SCUBE1: variants seen among roughly 807,000 people sequenced by gnomAD.
SCUBE1 encodes signal peptide, CUB and EGF-like domain-containing protein 1.
In SCUBE1, 59 loss-of-function variants were observed where a neutral mutation model predicts 124.4. That is an observed-to-expected ratio of 0.47 (90% CI 0.38 to 0.59). SCUBE1 has a LOEUF of 0.59. Ranked by LOEUF, SCUBE1 falls within the 20% of genes least tolerant of loss-of-function variation. The pLI is 0.00. For missense variants in SCUBE1, 1,150 were observed against 1,371.2 expected, an observed-to-expected ratio of 0.84 and a Z score of 2.55; for synonymous variants, 545 against 550.9, an observed-to-expected ratio of 0.99 and a Z score of 0.15.
chr22:43,313,456 G>A (rs1468324880), intron 3 of SCUBE1, among the ~76,000 whole-genome samples: 4 of 152,188 alleles, frequency 2.6e-5, no homozygotes, highest in African/African-American at 7.2e-5. Context: ...TTGTGGAGAC[G>A]GGAAGAAATT....
intron 3 of SCUBE1, among the ~76,000 whole-genome samples, chr22:43,315,654 C>G (rs1272249474): frequency 6.9e-6 from 1 of 144,250 alleles, no homozygotes; most frequent in Non-Finnish European, 1.5e-5. Flanking sequence ...CTGCCCTCAG[C>G]TAAAGGCAGA....
At chr22:43,244,379 C>T (rs932097329) in intron 6 of SCUBE1, among the ~76,000 whole-genome samples, 7 of 152,226 alleles carry the variant, frequency 4.6e-5, no homozygotes, top group Non-Finnish European at 2.9e-5. Flanking sequence ...GGCAGGGCAG[C>T]GTCAAGGTGA....
intron 17 of SCUBE1, 54 bp downstream of exon 17, chr22:43,212,371 C>A: frequency 2.0e-6 from 3 of 1,519,918 alleles, no homozygotes; most frequent in Non-Finnish European, 2.7e-6. Flanking sequence ...CCTCTCGGAG[C>A]AGTGCAGCCC....
chr22:43,261,128 G>C (rs1468208274), intron 5 of SCUBE1, among the ~76,000 whole-genome samples: 1 of 152,208 alleles, frequency 6.6e-6, no homozygotes, highest in Non-Finnish European at 1.5e-5. Flanking sequence ...GGCCTTTCTC[G>C]TGAGGAAACT....
At chr22:43,311,019 T>A (rs1362677142) in intron 3 of SCUBE1, among the ~76,000 whole-genome samples, 2 of 152,322 alleles carry the variant, frequency 1.3e-5, no homozygotes, top group East Asian at 3.9e-4. Flanking sequence ...GCTCAAGTGA[T>A]CCTCCTACCT....
At chr22:43,256,294 C>T (rs1923659079) in intron 6 of SCUBE1, among the ~76,000 whole-genome samples, 2 of 152,200 alleles carry the variant, frequency 1.3e-5, no homozygotes, top group Admixed American at 1.3e-4. Context: ...TAGGAGCATG[C>T]AGAGGAGAAG....
At chr22:43,237,005 C>T (rs1922793058) in intron 7 of SCUBE1, among the ~76,000 whole-genome samples, 1 of 151,884 alleles carries the variant, frequency 6.6e-6, no homozygotes, top group South Asian at 2.1e-4. Flanking sequence ...AGCCACAGGC[C>T]CAGGGCTGGG....
intron 7 of SCUBE1, among the ~76,000 whole-genome samples, chr22:43,235,081 G>A (rs1014461790): frequency 1.1e-4 from 17 of 152,202 alleles, no homozygotes; most frequent in Admixed American, 9.8e-4. Flanking sequence ...ACAGACTTGG[G>A]GGTGGCTGTT....
At chr22:43,242,704 A>AG (rs1294860102) in intron 6 of SCUBE1, among the ~76,000 whole-genome samples, 4 of 152,218 alleles carry the variant, frequency 2.6e-5, no homozygotes, top group Non-Finnish European at 5.9e-5. Context: ...GGAGCTAAAG[A>AG]CAGAATTTCC....
chr22:43,331,910 G>A (rs1431242587), intron 2 of SCUBE1, among the ~76,000 whole-genome samples: 1 of 152,190 alleles, frequency 6.6e-6, no homozygotes, highest in Non-Finnish European at 1.5e-5. Flanking sequence ...AAGAGGAAAC[G>A]GGGTGTGCAA....
At chr22:43,283,298 C>T (rs1925000581) in intron 4 of SCUBE1, 1 of 152,212 alleles carries the variant, frequency 6.6e-6, no homozygotes, top group Non-Finnish European at 1.5e-5. Context: ...TGAACCCAGA[C>T]CACTGGGTTC....
chr22:43,263,547 G>A lies in SCUBE1; in HGVS notation c.485-702C>T, dbSNP rs561170621. Reference sequence around the variant, plus strand: ...AGTGAAGGCTGCAGACGGCGAACACGCACAGGGCAACCTCCTTCCCCCGGG... The same window carrying A: ...AGTGAAGGCTGCAGACGGCGAACACACACAGGGCAACCTCCTTCCCCCGGG... On this transcript the variant is annotated intron_variant, in intron 4 of 21. Transcript: ENST00000360835. 9.2e-5 allele frequency among the ~76,000 whole-genome samples: 14 copies of A among 152,302 alleles called. No homozygotes were observed. The South Asian group carries it at 1.9e-3, about 20-fold the overall frequency.
chr22:43,245,815 T>G (rs368713761), intron 6 of SCUBE1, among the ~76,000 whole-genome samples: 23 of 152,288 alleles, frequency 1.5e-4, no homozygotes, highest in East Asian at 7.7e-4. Context: ...GGGGAACAAT[T>G]TGCAAGGCAA....
intron 4 of SCUBE1, among the ~76,000 whole-genome samples, chr22:43,277,926 T>C (rs1445210764): frequency 6.6e-6 from 1 of 152,260 alleles, no homozygotes. Context: ...GCCCTCTGGG[T>C]TGCAGCTCTC....
intron 7 of SCUBE1, among the ~76,000 whole-genome samples, chr22:43,237,279 C>A (rs961174117): frequency 6.6e-6 from 1 of 152,222 alleles, no homozygotes; most frequent in African/African-American, 2.4e-5. Flanking sequence ...GGGCCACATG[C>A]CTGCCCTGCA....
At chr22:43,219,851 C>A (rs188503071) in intron 14 of SCUBE1, among the ~76,000 whole-genome samples, 60 of 152,252 alleles carry the variant, frequency 3.9e-4, no homozygotes, top group African/African-American at 9.4e-4. Context: ...GTGCCCCCAC[C>A]ACCGAGAGTC....
intron 2 of SCUBE1, among the ~76,000 whole-genome samples, chr22:43,324,379 T>G (rs1475872693): frequency 6.6e-6 from 1 of 152,098 alleles, no homozygotes; most frequent in Non-Finnish European, 1.5e-5. Context: ...CCTTAATCCA[T>G]CCCCAATTAG....
At chr22:43,222,585 G>A in intron 12 of SCUBE1, 53 bp downstream of exon 12, 1 of 1,343,808 alleles carries the variant, frequency 7.4e-7, no homozygotes, top group Non-Finnish European at 1.0e-6. Flanking sequence ...CATGTTGCTG[G>A]ATGCAGTCAA....
At chr22:43,248,437 G>A (rs1440823414) in intron 6 of SCUBE1, among the ~76,000 whole-genome samples, 3 of 152,182 alleles carry the variant, frequency 2.0e-5, no homozygotes, top group African/African-American at 4.8e-5. Context: ...CCAGCCCTCC[G>A]CACAGCGGAG....
Sources: gnomAD v4.1 joint callset for allele counts (sites outside exome capture counted in the v4.1 genomes callset) on GRCh38, gnomAD v4.1.1 for gene constraint, MANE v1.5 for transcripts, NCBI Gene and HGNC (gene_info 2026-07-23, HGNC 2026-07-21) for gene names.